The following CACNA2D3 variants were observed in gnomAD, a reference collection of about 807,000 sequenced individuals.
CACNA2D3 encodes calcium voltage-gated channel auxiliary subunit alpha2delta 3.
Under a neutral mutation model 160.6 loss-of-function variants are expected in CACNA2D3, and 60 were observed. The ratio of observed to expected loss-of-function variants is 0.37; its 90% confidence interval spans 0.30 to 0.46. The LOEUF is 0.46. CACNA2D3 is among the 20% of genes least tolerant of loss of function. The pLI is 1.00. For missense variants in CACNA2D3, 1,205 were observed against 1,365.0 expected (o/e 0.88, Z 1.85); for synonymous variants, 558 against 492.9 (o/e 1.13, Z -1.75).
rs909516330 is a variant in CACNA2D3, at chr3:54,369,456, C to T, written c.322-17259C>T. 6.6e-5 allele frequency among the ~76,000 whole-genome samples: 10 copies of T among 152,246 alleles called. No individual in the cohort carries two copies. In the South Asian group the frequency reaches 8.3e-4, roughly 13 times the overall value. ...ACCGGACAAGTCAGGGCCTTGACTT[C>T]GTCATAATCTCTTTCCCATTGTCCA... On this transcript the variant is annotated intron_variant, in intron 3 of 37. Transcript: ENST00000474759.
intron 2 of CACNA2D3, among the ~76,000 whole-genome samples, chr3:54,285,247 C>G (rs1251333420): frequency 6.6e-6 from 1 of 152,166 alleles, no homozygotes; most frequent in Non-Finnish European, 1.5e-5. Flanking sequence ...TGTGCTTTTC[C>G]AACGGGCTTA....
chr3:55,066,885 C>T (rs891997386), intron 35 of CACNA2D3, among the ~76,000 whole-genome samples: 9 of 152,178 alleles, frequency 5.9e-5, no homozygotes, highest in Non-Finnish European at 1.2e-4. Flanking sequence ...GCCACAGCCC[C>T]TCTGACTATG....
intron 3 of CACNA2D3, among the ~76,000 whole-genome samples, chr3:54,349,910 C>T (rs566825883): frequency 6.6e-6 from 1 of 152,344 alleles, no homozygotes; most frequent in African/African-American, 2.4e-5. Flanking sequence ...TGCTGGCTGC[C>T]ATGACGTAAA....
At chr3:54,779,694 C>A (rs1040502122) in intron 13 of CACNA2D3, among the ~76,000 whole-genome samples, 1 of 152,280 alleles carries the variant, frequency 6.6e-6, no homozygotes, top group African/African-American at 2.4e-5. Context: ...TGGAAAGACT[C>A]CCCTGCTGCT....
At chr3:54,417,722 C>A (rs1438419164) in intron 4 of CACNA2D3, among the ~76,000 whole-genome samples, 9 of 145,314 alleles carry the variant, frequency 6.2e-5, no homozygotes, top group Non-Finnish European at 1.3e-4. Context: ...ACACACAGAT[C>A]CTGCAAATAA....
chr3:54,184,287 C>G (rs1700838996), intron 2 of CACNA2D3, among the ~76,000 whole-genome samples: 1 of 152,208 alleles, frequency 6.6e-6, no homozygotes, highest in Non-Finnish European at 1.5e-5. Context: ...GCTGCAGCCC[C>G]AGACTACAGG....
chr3:54,997,959 C>T (rs554408449), intron 31 of CACNA2D3, among the ~76,000 whole-genome samples: 2 of 152,206 alleles, frequency 1.3e-5, no homozygotes, highest in Middle Eastern at 6.8e-3. Context: ...TTTAAGTGTG[C>T]AGCTTTAAAC....
intron 11 of CACNA2D3, among the ~76,000 whole-genome samples, chr3:54,652,806 C>T (rs1348494325): frequency 3.1e-5 from 4 of 127,570 alleles, no homozygotes; most frequent in South Asian, 2.6e-4. Flanking sequence ...TTTTTGAGAC[C>T]GAGTTTCGCT....
chr3:54,658,091 C>T (rs1699906404), intron 11 of CACNA2D3, among the ~76,000 whole-genome samples: 2 of 152,250 alleles, frequency 1.3e-5, no homozygotes, highest in African/African-American at 4.8e-5. Flanking sequence ...TGCCAATGGA[C>T]ATTGCATTGT....
At chr3:54,158,541 C>G (rs1700283800) in intron 2 of CACNA2D3, among the ~76,000 whole-genome samples, 1 of 152,170 alleles carries the variant, frequency 6.6e-6, no homozygotes, top group African/African-American at 2.4e-5. Flanking sequence ...TCTTGAATAA[C>G]AAAGAGTACT....
At chr3:54,443,571 T>C (rs1426303929) in intron 4 of CACNA2D3, among the ~76,000 whole-genome samples, 4 of 152,144 alleles carry the variant, frequency 2.6e-5, no homozygotes, top group African/African-American at 9.7e-5. Flanking sequence ...GCTTTCTTCC[T>C]CTCACCTGAC....
intron 27 of CACNA2D3, among the ~76,000 whole-genome samples, chr3:54,942,487 A>G (rs896612213): frequency 1.3e-5 from 2 of 152,218 alleles, no homozygotes; most frequent in East Asian, 1.9e-4. Flanking sequence ...TGCTGATTAT[A>G]TGCTCCTCTT....
chr3:54,252,851 AAG>A (rs1455691767), intron 2 of CACNA2D3, among the ~76,000 whole-genome samples: 24 of 150,744 alleles, frequency 1.6e-4, no homozygotes. Context: ...AGGTAGCAGA[AAG>A]AGAAGTGCAG....
chr3:54,630,758 T>C (rs1329341300), intron 10 of CACNA2D3, among the ~76,000 whole-genome samples: 1 of 152,182 alleles, frequency 6.6e-6, no homozygotes, highest in Non-Finnish European at 1.5e-5. Flanking sequence ...TGGACTTTTT[T>C]ATCCTGAATC....
At chr3:54,174,089 T>C (rs1700621646) in intron 2 of CACNA2D3, among the ~76,000 whole-genome samples, 1 of 152,206 alleles carries the variant, frequency 6.6e-6, no homozygotes, top group Non-Finnish European at 1.5e-5. Context: ...TCTATATATT[T>C]GTAGCACGAC....
At chr3:54,811,119 C>T (rs1032257277) in intron 13 of CACNA2D3, among the ~76,000 whole-genome samples, 1 of 152,194 alleles carries the variant, frequency 6.6e-6, no homozygotes, top group Non-Finnish European at 1.5e-5. Context: ...CAGGCCTCCT[C>T]CCGGGACATG....
chr3:54,599,978 C>T (rs933349626), intron 9 of CACNA2D3, among the ~76,000 whole-genome samples: 6 of 152,186 alleles, frequency 3.9e-5, no homozygotes, highest in Admixed American at 3.9e-4. Flanking sequence ...GCCAAGGGAC[C>T]TGGCGGCATA....
chr3:54,736,352 TC>T (rs1384679615), intron 11 of CACNA2D3, among the ~76,000 whole-genome samples: 1 of 151,894 alleles, frequency 6.6e-6, no homozygotes, highest in Non-Finnish European at 1.5e-5. Context: ...TTGTAATTTT[TC>T]TGTAATGTGA....
chr3:54,464,632 G>A (rs1298778161), intron 4 of CACNA2D3, among the ~76,000 whole-genome samples: 1 of 152,216 alleles, frequency 6.6e-6, no homozygotes, highest in Non-Finnish European at 1.5e-5. Context: ...TCGGAAAAGG[G>A]CAGTATTAGG....
Sources: gnomAD v4.1 joint callset for allele counts (sites outside exome capture counted in the v4.1 genomes callset) on GRCh38, gnomAD v4.1.1 for gene constraint, MANE v1.5 for transcripts, NCBI Gene and HGNC (gene_info 2026-07-23, HGNC 2026-07-21) for gene names.